The following CAPN2 variants were observed in gnomAD, a reference collection of about 807,000 sequenced individuals.
CAPN2 encodes the protein calpain-2 catalytic subunit.
In CAPN2, 92 loss-of-function variants were observed where a neutral mutation model predicts 102.3. The ratio of observed to expected loss-of-function variants is 0.90; its 90% confidence interval spans 0.76 to 1.07. CAPN2 has a LOEUF of 1.07. CAPN2 is among the 50% of genes least tolerant of loss of function. The pLI, the probability that CAPN2 is intolerant of heterozygous loss-of-function variation, is 0.00. For missense variants in CAPN2, 800 were observed against 909.4 expected, an observed-to-expected ratio of 0.88 and a Z score of 1.55; for synonymous variants, 340 against 355.4, an observed-to-expected ratio of 0.96 and a Z score of 0.49.
chr1:223,719,415 T>C (rs1659968117), intron 2 of CAPN2, among the ~76,000 whole-genome samples: 1 of 152,064 alleles, frequency 6.6e-6, no homozygotes, highest in African/African-American at 2.4e-5. Flanking sequence ...GGTGGGTGCC[T>C]GTAATCCCAG....
intron 16 of CAPN2, among the ~76,000 whole-genome samples, chr1:223,768,541 G>C (rs866834403): frequency 7.2e-4 from 110 of 152,272 alleles, no homozygotes; most frequent in African/African-American, 2.5e-3. Context: ...CTGTTCCATT[G>C]ATCTATATCT....
At chr1:223,707,137 C>G (rs1373200716) in intron 1 of CAPN2, among the ~76,000 whole-genome samples, 1 of 150,568 alleles carries the variant, frequency 6.6e-6, no homozygotes, top group East Asian at 1.9e-4. Context: ...GCATCTCAAA[C>G]ATCCAGGGCC....
chr1:223,742,492 ATG>A (rs768333854), intron 2 of CAPN2, among the ~76,000 whole-genome samples: 13,999 of 124,314 alleles, frequency 0.11, 900 homozygotes, highest in African/African-American at 0.18. Context: ...TTTTATATAT[ATG>A]TGTGTATATA....
Position 223,712,752 on chromosome 1 carries a change from G to T in CAPN2, c.112G>T (p.Glu38Ter). 1 of 1,584,100 alleles carries T rather than the reference G, an allele frequency of 6.3e-7. No homozygotes were observed. The highest frequency in any genetic ancestry group is 8.6e-7 in the Non-Finnish European group (1 of 1,167,214). ...LNQDYEALRN[E>*]CLEAGTLFQD... Reference sequence around the variant, plus strand: ...CCAGGACTACGAGGCGCTGCGGAACGAGTGCCTGGAGGCCGGGACGCTCTT... The same window carrying T: ...CCAGGACTACGAGGCGCTGCGGAACTAGTGCCTGGAGGCCGGGACGCTCTT... Residue 38 changes from glutamate (E) to a stop codon, truncating the protein, a stop_gained, in exon 1 of 21, where the codon GAG (glutamate) becomes TAG (stop). Transcript: ENST00000295006. LOFTEE classifies it high-confidence loss of function.
chr1:223,757,369 G>T lies in CAPN2; in HGVS notation c.1306G>T (p.Val436Phe), dbSNP rs1661062109. 1 of 1,614,134 alleles carries T rather than the reference G, an allele frequency of 6.2e-7. No homozygotes were observed. ...GAATTGCATCTCCTTTATTTTGCAG[G>T]TTCCAGAGGAGGTACGTCTGGCCCA... is the stretch of plus-strand genomic sequence containing the variant. ...MHTIGFGIYEVPEELSGQTNI... is the reference protein window; with the variant it reads ...MHTIGFGIYEFPEELSGQTNI... The change falls in exon 11 of 21, where the codon GTT becomes TTT. Residue 436 changes from valine (V) to phenylalanine (F), a missense_variant and splice_region_variant. Val to Phe is a conservative substitution (Grantham distance 50). Coordinates refer to ENST00000295006, the MANE Select transcript of CAPN2 (RefSeq NM_001748.5).
exon 1 of CAPN2, chr1:223,701,687 CA>C (rs201695010): frequency 6.8e-5 from 10 of 148,074 alleles, no homozygotes; most frequent in Non-Finnish European, 8.9e-5. Context: ...GTGGAGAAAA[CA>C]AAAAAAAAGC....
At chr1:223,712,397 G>A (rs1571776731), upstream of CAPN2, 2 of 1,032,556 alleles carry the variant, frequency 1.9e-6, no homozygotes. Context: ...GCCCCGGGTC[G>A]CGGCGTTCCC....
upstream of CAPN2, among the ~76,000 whole-genome samples, chr1:223,708,880 AAAAG>A (rs1252154715): frequency 6.6e-6 from 1 of 151,928 alleles, no homozygotes; most frequent in Non-Finnish European, 1.5e-5. Flanking sequence ...GGAAGGAAGG[AAAAG>A]AAAGAAAAGA....
chr1:223,763,429 A>G (rs955140031), intron 14 of CAPN2, among the ~76,000 whole-genome samples: 21 of 152,010 alleles, frequency 1.4e-4, no homozygotes, highest in Admixed American at 3.9e-4. Flanking sequence ...ACACATACAC[A>G]CCCCAAAAGG....
At chr1:223,753,043 C>A in intron 9 of CAPN2, 87 bp downstream of exon 9, 1 of 1,233,672 alleles carries the variant, frequency 8.1e-7, no homozygotes, top group East Asian at 2.3e-5. Flanking sequence ...TACCACACCC[C>A]AGCCTAGCAG....
chr1:223,750,988 C>T lies in CAPN2; in HGVS notation c.899+13C>T, dbSNP rs1660873808. ...GGTGGAATGACAAGTGAGGAGGGCG[C>T]AGGCCTCGGGGCCCCAGGCGGGGGT... On this transcript the variant is annotated intron_variant, in intron 7 of 20. Transcript: ENST00000295006. The T allele has an allele frequency of 1.9e-6, 3 of 1,550,576 alleles. No homozygotes were observed. The highest frequency in any genetic ancestry group is 1.2e-5 in the South Asian group (1 of 84,050).
chr1:223,704,469 C>T (rs1659556741), intron 1 of CAPN2, among the ~76,000 whole-genome samples: 1 of 152,186 alleles, frequency 6.6e-6, no homozygotes, highest in Non-Finnish European at 1.5e-5. Flanking sequence ...TTGTAAGTCT[C>T]CTCCCATCTG....
intron 20 of CAPN2, among the ~76,000 whole-genome samples, chr1:223,774,218 G>A (rs547630541): frequency 8.9e-5 from 13 of 146,656 alleles, no homozygotes; most frequent in South Asian, 6.4e-4. Flanking sequence ...CATCTCCTCC[G>A]AGAAGCATCT....
rs1350239034 is a variant in CAPN2, at chr1:223,770,512, A to ATT, written c.1891_1892dup (p.Leu631PhefsTer2). ...TGAATTCCTATGAAATGCGGAAGGC[A>ATT]TTAGAAGAAGCAGGTAACCCTTTAT... On this transcript the variant is annotated frameshift_variant, in exon 18 of 21. Coordinates refer to ENST00000295006, the MANE Select transcript of CAPN2 (RefSeq NM_001748.5). LOFTEE classifies it high-confidence loss of function. The ATT allele has an allele frequency of 6.2e-7, 1 of 1,613,004 alleles. No homozygotes were observed. Among genetic ancestry groups the ATT allele is most frequent in the South Asian group, 1.1e-5 (1 of 91,028 alleles).
intron 5 of CAPN2, among the ~76,000 whole-genome samples, chr1:223,747,602 G>A (rs1023060219): frequency 6.6e-6 from 1 of 152,322 alleles, no homozygotes; most frequent in South Asian, 2.1e-4. Context: ...TGACAAGTCT[G>A]TCTAGCCATG....
chr1:223,709,677 T>C (rs186104052), upstream of CAPN2, among the ~76,000 whole-genome samples: 29 of 127,558 alleles, frequency 2.3e-4, no homozygotes, highest in African/African-American at 8.0e-4. Context: ...AAAAAAAGAG[T>C]CCATTTAACT....
chr1:223,706,497 C>A (rs912380403), intron 1 of CAPN2, among the ~76,000 whole-genome samples: 38 of 152,268 alleles, frequency 2.5e-4, no homozygotes, highest in African/African-American at 8.7e-4. Context: ...AAAACAGGTT[C>A]TTTTCCTCTG....
rs1484207519 is a variant in CAPN2, at chr1:223,712,575, C to G, written c.-66C>G. 5.7e-6 allele frequency: 8 copies of G among 1,399,442 alleles called. No homozygotes were observed. The highest frequency in any genetic ancestry group is 7.4e-6 in the Non-Finnish European group (8 of 1,078,060). The allele number at this position is 1,399,442 out of a possible 1,614,324, so 86.7% of individuals were successfully genotyped here. A position where few individuals can be genotyped will look rare whatever the true frequency, so the allele number is the denominator to read the frequency against. The stretch of plus-strand genomic sequence containing the variant: ...CAGCGCGCCGGGCCCTGGCCGCGCC[C>G]CAGCCGAGCGCAGCGCGGAGTCGCC... On this transcript the variant is annotated 5_prime_UTR_variant, in exon 1 of 21. Coordinates refer to ENST00000295006, the MANE Select transcript of CAPN2 (RefSeq NM_001748.5).
intron 17 of CAPN2, chr1:223,770,202 T>C: frequency 6.9e-6 from 4 of 581,586 alleles, no homozygotes; most frequent in Non-Finnish European, 1.2e-5. Context: ...ACAAAAATTA[T>C]ATAAGACAAG....
Sources: gnomAD v4.1 joint callset for allele counts (sites outside exome capture counted in the v4.1 genomes callset) on GRCh38, gnomAD v4.1.1 for gene constraint, MANE v1.5 for transcripts, NCBI Gene and HGNC (gene_info 2026-07-23, HGNC 2026-07-21) for gene names.